The following TEX36 variants were observed in gnomAD, a reference collection of about 807,000 sequenced individuals.
TEX36 encodes the protein testis-expressed protein 36.
Under a neutral mutation model 13.6 loss-of-function variants are expected in TEX36, and 12 were observed. The ratio of observed to expected loss-of-function variants is 0.88; its 90% CI spans 0.56 to 1.43. TEX36 has a LOEUF of 1.43. TEX36 is among the 40% of genes most tolerant of loss of function. The pLI is 0.00. For missense variants in TEX36, 224 were observed against 228.3 expected (o/e 0.98, Z 0.12); for synonymous variants, 93 against 83.0 (o/e 1.12, Z -0.65).
chr10:125,628,656 G>A (rs537016108), intron 3 of TEX36, among the ~76,000 whole-genome samples: 1 of 152,248 alleles, frequency 6.6e-6, no homozygotes, highest in Non-Finnish European at 1.5e-5. Context: ...GATCGTGCAT[G>A]AGTATGCAGC....
intron 3 of TEX36, among the ~76,000 whole-genome samples, chr10:125,656,459 T>C (rs546321983): frequency 1.3e-5 from 2 of 152,024 alleles, no homozygotes; most frequent in East Asian, 3.9e-4. Flanking sequence ...GGTTTTGCCA[T>C]GTTGCCCAGG....
chr10:125,625,258 G>A (rs915048660), intron 3 of TEX36, among the ~76,000 whole-genome samples: 2 of 152,150 alleles, frequency 1.3e-5, no homozygotes, highest in Non-Finnish European at 2.9e-5. Flanking sequence ...CCAATTCCAG[G>A]CCCAGCACAA....
At chr10:125,589,739 G>A (rs1846000156) in intron 3 of TEX36, among the ~76,000 whole-genome samples, 1 of 152,010 alleles carries the variant, frequency 6.6e-6, no homozygotes, top group Admixed American at 6.6e-5. Flanking sequence ...ATTGTATTTA[G>A]GATTTCTGCA....
chr10:125,671,954 T>C (rs1433189532), intron 1 of TEX36, among the ~76,000 whole-genome samples: 1 of 152,228 alleles, frequency 6.6e-6, no homozygotes, highest in Non-Finnish European at 1.5e-5. Context: ...TTTGGTTATA[T>C]TTCTGTGGGG....
In TEX36 at chr10:125,593,337, C is replaced by G. The variant is rs527342660; in HGVS notation, c.265-16463G>C. 2.6e-5 allele frequency among the ~76,000 whole-genome samples: 4 copies of G among 152,316 alleles called. No homozygotes were observed. The South Asian group carries it at 8.3e-4, about 32-fold the overall frequency. The stretch of plus-strand genomic sequence containing the variant: ...TCACAAGATTCAGGAGGAAAGAAAT[C>G]ATCCCCAACTCCTGAGAAGTTGCCA... On this transcript the variant is annotated intron_variant, in intron 3 of 3. Transcript: ENST00000532135.
intron 2 of TEX36, 28 bp downstream of exon 2, chr10:125,661,818 A>G (rs1565187758): frequency 6.4e-7 from 1 of 1,551,348 alleles, no homozygotes. Context: ...ACAGGAGCAC[A>G]TGGCAGTGGC....
chr10:125,657,826 A>G (rs140795997), intron 3 of TEX36, among the ~76,000 whole-genome samples: 68 of 152,340 alleles, frequency 4.5e-4, no homozygotes, highest in African/African-American at 1.1e-3. Context: ...GAGATAAAGC[A>G]TGCTGGAAGA....
At chr10:125,661,377 G>C (rs1231357364) in intron 2 of TEX36, among the ~76,000 whole-genome samples, 1 of 152,180 alleles carries the variant, frequency 6.6e-6, no homozygotes, top group Non-Finnish European at 1.5e-5. Flanking sequence ...ATGGAAAAGT[G>C]TACAGGCTCA....
chr10:125,639,850 C>T (rs565020091), intron 3 of TEX36, among the ~76,000 whole-genome samples: 57 of 152,328 alleles, frequency 3.7e-4, no homozygotes, highest in African/African-American at 1.3e-3. Flanking sequence ...TATGTTGAGA[C>T]TTCTCAATCC....
chr10:125,639,182 C>T (rs190760194), intron 3 of TEX36, among the ~76,000 whole-genome samples: 42 of 152,308 alleles, frequency 2.8e-4, no homozygotes, highest in African/African-American at 9.9e-4. Context: ...AAACACAATT[C>T]ATAATTGTTC....
In TEX36 at chr10:125,656,011, T is replaced by C; in HGVS notation, c.450A>G (p.Ile150Met). The change falls in exon 4 of 4, where the codon ATA becomes ATG. Residue 150 changes from isoleucine to methionine, a missense_variant. Ile to Met is a conservative substitution (Grantham distance 10, BLOSUM62 1). Transcript: ENST00000368821. ...CAGGAAGAAATGTAAAAGCGTTCCA[T>C]ATCTCTTTATAGCATCGTGGAAAGC... ...FRRFPRCYKE[I>M]WNAFTFLPER... 1 of 1,551,952 alleles carries C rather than the reference T, an allele frequency of 6.4e-7. No individual in the cohort carries two copies. The highest frequency in any genetic ancestry group is 2.4e-5 in the East Asian group (1 of 40,904).
At chr10:125,595,199 A>G (rs1395252167) in intron 3 of TEX36, among the ~76,000 whole-genome samples, 1 of 152,166 alleles carries the variant, frequency 6.6e-6, no homozygotes, top group Non-Finnish European at 1.5e-5. Context: ...ATTTTCTCAC[A>G]CCAAAGGCCC....
At chr10:125,667,882 G>C (rs894368626) in intron 1 of TEX36, 1 of 1,517,020 alleles carries the variant, frequency 6.6e-7, no homozygotes, top group African/African-American at 1.4e-5. Flanking sequence ...CCAGTGCCAC[G>C]ATGCGGTGAG....
At chr10:125,620,104 T>C (rs1472076293), downstream of TEX36, among the ~76,000 whole-genome samples, 1 of 152,172 alleles carries the variant, frequency 6.6e-6, no homozygotes, top group Non-Finnish European at 1.5e-5. Context: ...TGCCCCTAAA[T>C]CTTTGTCTGA....
intron 3 of TEX36, among the ~76,000 whole-genome samples, chr10:125,600,098 G>T (rs746652708): frequency 6.6e-6 from 1 of 152,208 alleles, no homozygotes; most frequent in South Asian, 2.1e-4. Context: ...AACACAAATG[G>T]GTCCCTGCCC....
At chr10:125,618,943 A>T (rs939919244), downstream of TEX36, among the ~76,000 whole-genome samples, 94 of 37,362 alleles carry the variant, frequency 2.5e-3, no homozygotes, top group East Asian at 6.5e-3. Flanking sequence ...CGTCTCTACT[A>T]AAAAAAAAAA....
At chr10:125,588,708 G>A (rs528953162) in intron 3 of TEX36, among the ~76,000 whole-genome samples, 6 of 152,218 alleles carry the variant, frequency 3.9e-5, no homozygotes, top group Non-Finnish European at 7.4e-5. Flanking sequence ...TCCGCCTCCC[G>A]GGTTCAAGCG....
chr10:125,598,330 G>A (rs1427869405), intron 3 of TEX36, among the ~76,000 whole-genome samples: 1 of 152,184 alleles, frequency 6.6e-6, no homozygotes, highest in African/African-American at 2.4e-5. Flanking sequence ...GAGGAAACAG[G>A]ATTACAAAAA....
Position 125,655,788 on chromosome 10 carries a change from C to A in TEX36, c.*112G>T, listed in dbSNP as rs909224203. On this transcript the variant is annotated 3_prime_UTR_variant, in exon 4 of 4. Transcript: ENST00000368821. ...GAATGTTTTTTGACCTTATAAAAAT[C>A]ATAAAAGTACTTTAAAAATTAAATA... 9 of 1,348,464 alleles carry A rather than the reference C, an allele frequency of 6.7e-6. No homozygotes were observed. The East Asian group carries it at 2.2e-4, about 32-fold the overall frequency. 83.5% of individuals were successfully genotyped at this position (1,348,464 alleles called of 1,614,324 possible). A position where few individuals can be genotyped will look rare whatever the true frequency, so the allele number is the denominator to read the frequency against.
Sources: gnomAD v4.1 joint callset for allele counts (sites outside exome capture counted in the v4.1 genomes callset) on GRCh38, gnomAD v4.1.1 for gene constraint, MANE v1.5 for transcripts, NCBI Gene and HGNC (gene_info 2026-07-23, HGNC 2026-07-21) for gene names.